Variants in NSD1 observed in about 807,000 individuals in gnomAD.
The protein encoded by NSD1 is nuclear receptor binding SET domain protein 1.
A neutral mutation model predicts 242.7 loss-of-function variants in NSD1; 26 were observed. The ratio of observed to expected loss-of-function variants is 0.11; its 90% CI spans 0.08 to 0.15. The LOEUF is 0.15. Ranked by LOEUF, NSD1 falls within the 10% of genes least tolerant of loss-of-function variation. The pLI, the probability that NSD1 is intolerant of heterozygous loss-of-function variation, is 1.00. For missense variants in NSD1, 2,495 were observed against 3,272.8 expected (o/e 0.76, Z 5.80); for synonymous variants, 1,106 against 1,178.1 (o/e 0.94, Z 1.25).
chr5:177,173,837 T>C (rs903559661), intron 2 of NSD1, among the ~76,000 whole-genome samples: 1 of 152,210 alleles, frequency 6.6e-6, no homozygotes, highest in Admixed American at 6.5e-5. Flanking sequence ...TTATTATTGA[T>C]TGGTCTTCTG....
chr5:177,283,527 C>T (rs1022992257), intron 19 of NSD1, among the ~76,000 whole-genome samples: 2 of 152,178 alleles, frequency 1.3e-5, no homozygotes, highest in Admixed American at 6.5e-5. Context: ...TTATATATAA[C>T]GCAGAATGCT....
At chr5:177,241,362 G>C (rs1765850447) in intron 8 of NSD1, among the ~76,000 whole-genome samples, 1 of 151,526 alleles carries the variant, frequency 6.6e-6, no homozygotes, top group South Asian at 2.1e-4. Context: ...AAAAATGGCT[G>C]GGCGTCGTGG....
At chr5:177,198,037 T>A (rs1256169710) in intron 3 of NSD1, among the ~76,000 whole-genome samples, 3 of 151,994 alleles carry the variant, frequency 2.0e-5, no homozygotes, top group Non-Finnish European at 4.4e-5. Flanking sequence ...TGAGAAAGAG[T>A]CTTGCTCTGT....
intron 2 of NSD1, among the ~76,000 whole-genome samples, chr5:177,159,035 A>T (rs1462423115): frequency 7.0e-6 from 1 of 142,856 alleles, no homozygotes; most frequent in East Asian, 2.0e-4. Context: ...TGAATGATAT[A>T]TATATATATA....
chr5:177,287,280 G>A (rs1240076242), intron 20 of NSD1, among the ~76,000 whole-genome samples: 1 of 152,246 alleles, frequency 6.6e-6, no homozygotes, highest in East Asian at 1.9e-4. Context: ...ATAAGGTACA[G>A]TTGTATTATA....
chr5:177,209,952 T>A lies in NSD1; in HGVS notation c.1553T>A (p.Phe518Tyr). 1.2e-6 allele frequency: 2 copies of A among 1,614,078 alleles called. No individual in the cohort carries two copies. Among genetic ancestry groups the A allele is most frequent in the Non-Finnish European group, 1.7e-6 (2 of 1,180,004 alleles). The change falls in exon 5 of 23, where the codon TTT (phenylalanine) becomes TAT (tyrosine). Residue 518 changes from phenylalanine to tyrosine, a missense_variant. Physicochemically the swap from Phe to Tyr is conservative, Grantham distance 22 (BLOSUM62 3). Coordinates refer to ENST00000439151, the MANE Select transcript of NSD1 (RefSeq NM_022455.5). Reference protein sequence around the residue: ...RTSVKKGHIQFEAHKDERRGK... With the variant: ...RTSVKKGHIQYEAHKDERRGK... ...AGTGTGAAAAAGGGCCACATACAAT[T>A]TGAAGCACATAAAGATGAACGGAGG...
At chr5:177,249,421 G>A (rs1755722538) in intron 11 of NSD1, among the ~76,000 whole-genome samples, 1 of 151,602 alleles carries the variant, frequency 6.6e-6, no homozygotes, top group Admixed American at 6.6e-5. Context: ...AAAACTTGAG[G>A]ATGTTAGTTT....
chr5:177,147,981 G>A (rs1406635768), intron 2 of NSD1, among the ~76,000 whole-genome samples: 1 of 152,092 alleles, frequency 6.6e-6, no homozygotes, highest in Non-Finnish European at 1.5e-5. Flanking sequence ...GACATCTGGG[G>A]CAATGCTAGC....
At chr5:177,208,256 A>G (rs942237477) in intron 4 of NSD1, among the ~76,000 whole-genome samples, 16 of 152,192 alleles carry the variant, frequency 1.1e-4, no homozygotes, top group Non-Finnish European at 5.9e-5. Context: ...AGAAAAGATA[A>G]TGTAATACCC....
intron 17 of NSD1, among the ~76,000 whole-genome samples, chr5:177,279,133 A>G (rs1310415483): frequency 1.3e-5 from 2 of 152,232 alleles, no homozygotes; most frequent in Admixed American, 1.3e-4. Flanking sequence ...TGCAGGAAGC[A>G]TAGAGGAACT....
chr5:177,245,973 TA>T (rs35003209), intron 9 of NSD1, among the ~76,000 whole-genome samples: 127,775 of 149,880 alleles, frequency 0.85, 54,914 homozygotes, highest in Middle Eastern at 0.91. Context: ...TTTTTTTATT[TA>T]TTTTTTTTTT....
At chr5:177,173,740 G>A (rs577569438) in intron 2 of NSD1, among the ~76,000 whole-genome samples, 1 of 152,148 alleles carries the variant, frequency 6.6e-6, no homozygotes, top group Admixed American at 6.5e-5. Context: ...CCAAAGTGCC[G>A]GGATTACAGG....
chr5:177,197,042 G>A (rs551430527), intron 3 of NSD1, among the ~76,000 whole-genome samples: 11 of 152,232 alleles, frequency 7.2e-5, no homozygotes, highest in African/African-American at 1.7e-4. Flanking sequence ...CGAGGCGGGC[G>A]GATCACTTGA....
At chr5:177,259,603 C>T (rs1756823576) in intron 13 of NSD1, among the ~76,000 whole-genome samples, 1 of 152,104 alleles carries the variant, frequency 6.6e-6, no homozygotes, top group East Asian at 1.9e-4. Flanking sequence ...GATGTGTTTC[C>T]TCTGGAGAGG....
rs559617787 is a variant in NSD1, at chr5:177,209,957, G to A, written c.1558G>A (p.Ala520Thr). 412 of 1,614,092 alleles carry A rather than the reference G, an allele frequency of 2.6e-4. 1 individual carries two copies. The highest frequency in any genetic ancestry group is 2.1e-3 in the Middle Eastern group (13 of 6,062). The stretch of plus-strand genomic sequence containing the variant: ...GAAAAAGGGCCACATACAATTTGAA[G>A]CACATAAAGATGAACGGAGGGGAAA... Reference protein sequence around the residue: ...SVKKGHIQFEAHKDERRGKIP... With the variant: ...SVKKGHIQFETHKDERRGKIP... Residue 520 changes from alanine to threonine, a missense_variant, in exon 5 of 23, where the codon GCA (alanine) becomes ACA (threonine). By Grantham distance (58) the Ala-to-Thr change is moderately conservative. This residue lies in a region of NSD1 where 515 missense variants were observed against 467.0 expected (regional missense o/e 1.10). Transcript: ENST00000439151.
Position 177,295,342 on chromosome 5 carries a change from G to A in NSD1, c.7974G>A (p.Leu2658=), listed in dbSNP as rs1760187259. The change falls in exon 23 of 23, where the codon TTG becomes TTA. Residue 2658 remains leucine (L), a synonymous_variant. Coordinates refer to ENST00000439151, the MANE Select transcript of NSD1 (RefSeq NM_022455.5). The surrounding 1 kb of genome is among the most constrained non-coding windows in gnomAD (Gnocchi z 4.3). ...GGTCTGCTGGGAGCACACAGACATT[G>A]GCACAGACTTGCTGGTCTCTTGGAA... The part of the protein sequence containing the change: ...SCWSAGSTQT[L]AQTCWSLGRG... 1 of 1,613,986 alleles carries A rather than the reference G, an allele frequency of 6.2e-7. No individual in the cohort carries two copies. Among genetic ancestry groups the A allele is most frequent in the African/African-American group, 1.3e-5 (1 of 74,910 alleles).
intron 22 of NSD1, 63 bp from the exon 23 acceptor site, chr5:177,293,769 C>T: frequency 1.3e-6 from 2 of 1,575,832 alleles, no homozygotes. Context: ...TGTAGCATAG[C>T]CTTGGCCCAT....
chr5:177,251,599 C>G (rs1004671272), intron 11 of NSD1, 131 bp from the exon 12 acceptor site: 13 of 827,018 alleles, frequency 1.6e-5, no homozygotes. Context: ...TCTACAACTA[C>G]GGGCCCTTGC....
At chr5:177,243,377 G>A (rs1322481636) in intron 8 of NSD1, among the ~76,000 whole-genome samples, 1 of 151,936 alleles carries the variant, frequency 6.6e-6, no homozygotes, top group Non-Finnish European at 1.5e-5. Flanking sequence ...TAGTAGAAAC[G>A]GGGTTTCACC....
Sources: allele counts gnomAD v4.1 joint callset (sites outside exome capture counted in the v4.1 genomes callset), GRCh38; gene constraint gnomAD v4.1.1; regional missense constraint gnomAD v4.1.1; non-coding constraint Gnocchi (gnomAD v3.1); transcripts MANE v1.5; gene names NCBI Gene and HGNC (gene_info 2026-07-23, HGNC 2026-07-21).